The following ASIC2 variants were observed in gnomAD, a reference collection of about 807,000 sequenced individuals.
ASIC2 encodes acid sensing ion channel subunit 2, also known as acid-sensing ion channel 2.
In ASIC2, 25 loss-of-function variants were observed where a neutral mutation model predicts 57.3. That is an observed-to-expected ratio of 0.44 (90% CI 0.32 to 0.61). ASIC2 has a LOEUF of 0.61. Among genes scored for constraint, ASIC2 ranks in the 20% least tolerant of loss-of-function variants. The pLI is 0.06. For synonymous variants in ASIC2, 319 were observed against 307.5 expected, an observed-to-expected ratio of 1.04 and a Z score of -0.39; for missense variants, 641 against 738.1, an observed-to-expected ratio of 0.87 and a Z score of 1.52.
At chr17:33,760,526 G>C (rs984696085) in intron 1 of ASIC2, among the ~76,000 whole-genome samples, 1 of 151,872 alleles carries the variant, frequency 6.6e-6, no homozygotes, top group Non-Finnish European at 1.5e-5. Context: ...ATATATGTGT[G>C]TGTGTGTGTG....
intron 2 of ASIC2, among the ~76,000 whole-genome samples, chr17:33,102,775 T>C (rs1224367198): frequency 1.3e-5 from 2 of 152,142 alleles, no homozygotes; most frequent in African/African-American, 4.8e-5. Flanking sequence ...TATTTGTTTG[T>C]TTGTTTGTTT....
intron 1 of ASIC2, among the ~76,000 whole-genome samples, chr17:33,401,837 T>C (rs1387048485): frequency 2.6e-5 from 4 of 152,024 alleles, no homozygotes; most frequent in African/African-American, 4.8e-5. Context: ...GAGGTGAGGA[T>C]GGGAGAAAAT....
chr17:33,933,520 C>G (rs1286704956), intron 1 of ASIC2, among the ~76,000 whole-genome samples: 2 of 152,160 alleles, frequency 1.3e-5, no homozygotes, highest in Admixed American at 1.3e-4. Context: ...GAGTACGGGA[C>G]AGAGCAGGAA....
chr17:33,638,795 G>T (rs1018257111), intron 1 of ASIC2, among the ~76,000 whole-genome samples: 2 of 151,946 alleles, frequency 1.3e-5, no homozygotes, highest in Admixed American at 1.3e-4. Context: ...TCCCTGAACA[G>T]AATAAGCCAA....
At chr17:34,050,497 A>T (rs1469570521) in intron 1 of ASIC2, among the ~76,000 whole-genome samples, 1 of 152,236 alleles carries the variant, frequency 6.6e-6, no homozygotes. Flanking sequence ...AGAATATCAG[A>T]ATCACAGAAC....
intron 1 of ASIC2, among the ~76,000 whole-genome samples, chr17:33,772,481 T>G (rs1911142368): frequency 6.6e-6 from 1 of 152,232 alleles, no homozygotes; most frequent in African/African-American, 2.4e-5. Context: ...TTTGTATGTC[T>G]TTTCTCCTCT....
chr17:33,456,119 C>T (rs1182712772), intron 1 of ASIC2, among the ~76,000 whole-genome samples: 1 of 152,134 alleles, frequency 6.6e-6, no homozygotes, highest in Non-Finnish European at 1.5e-5. Context: ...AATATGTTTT[C>T]CTTGAATTGA....
intron 1 of ASIC2, among the ~76,000 whole-genome samples, chr17:33,748,636 G>A (rs1045221723): frequency 2.6e-5 from 4 of 152,136 alleles, no homozygotes; most frequent in African/African-American, 4.8e-5. Context: ...GAGATGGCAC[G>A]GTGGTGGCCT....
intron 1 of ASIC2, among the ~76,000 whole-genome samples, chr17:33,585,123 G>T (rs1904578213): frequency 1.3e-5 from 2 of 152,186 alleles, no homozygotes; most frequent in Non-Finnish European, 2.9e-5. Context: ...TAATTTAGTT[G>T]GGGTGGAAGG....
At chr17:33,464,203 C>T (rs889598764) in intron 1 of ASIC2, among the ~76,000 whole-genome samples, 1 of 152,176 alleles carries the variant, frequency 6.6e-6, no homozygotes, top group African/African-American at 2.4e-5. Flanking sequence ...GCTCTTGACC[C>T]TGCCTGCTCA....
intron 1 of ASIC2, among the ~76,000 whole-genome samples, chr17:33,911,110 T>C (rs1443666639): frequency 6.6e-6 from 1 of 152,232 alleles, no homozygotes; most frequent in Non-Finnish European, 1.5e-5. Context: ...CACATGGGGC[T>C]GAGTCTTCAC....
At chr17:33,743,256 A>T (rs1285737580) in intron 1 of ASIC2, among the ~76,000 whole-genome samples, 1 of 152,264 alleles carries the variant, frequency 6.6e-6, no homozygotes, top group Non-Finnish European at 1.5e-5. Flanking sequence ...CATTCATAAA[A>T]ATCTACTATA....
intron 1 of ASIC2, among the ~76,000 whole-genome samples, chr17:33,709,828 A>G (rs899544332): frequency 6.6e-6 from 1 of 152,232 alleles, no homozygotes; most frequent in Non-Finnish European, 1.5e-5. Context: ...CTTTTAAACA[A>G]ACCACTTAAC....
At chr17:33,768,400 T>C (rs563946386) in intron 1 of ASIC2, among the ~76,000 whole-genome samples, 1 of 152,288 alleles carries the variant, frequency 6.6e-6, no homozygotes, top group Non-Finnish European at 1.5e-5. Flanking sequence ...GAATCTCCAA[T>C]GCAAGATGCT....
At chr17:33,257,037 G>C (rs17248839) in intron 1 of ASIC2, among the ~76,000 whole-genome samples, 1 of 152,080 alleles carries the variant, frequency 6.6e-6, no homozygotes, top group South Asian at 2.1e-4. Context: ...CCAGGCCCCT[G>C]GGTCTAATGT....
intron 2 of ASIC2, among the ~76,000 whole-genome samples, chr17:33,096,929 G>C (rs556180433): frequency 6.6e-6 from 1 of 152,310 alleles, no homozygotes; most frequent in African/African-American, 2.4e-5. Context: ...GAGTGGCAGG[G>C]ACAAGGTCAG....
intron 1 of ASIC2, among the ~76,000 whole-genome samples, chr17:33,268,410 C>T (rs2142154001): frequency 6.6e-6 from 1 of 152,170 alleles, no homozygotes; most frequent in South Asian, 2.1e-4. Flanking sequence ...TTTATCCATT[C>T]ATCTATTCAC....
intron 1 of ASIC2, among the ~76,000 whole-genome samples, chr17:33,533,035 C>T (rs967809703): frequency 3.9e-5 from 6 of 152,224 alleles, no homozygotes; most frequent in Non-Finnish European, 8.8e-5. Flanking sequence ...ATTCAAAGCT[C>T]TCCATGATCT....
intron 1 of ASIC2, among the ~76,000 whole-genome samples, chr17:33,741,899 G>A (rs1374497127): frequency 6.6e-6 from 1 of 152,200 alleles, no homozygotes; most frequent in Non-Finnish European, 1.5e-5. Context: ...ACAGAATTAG[G>A]CTAAGTGAGA....
Sources: gnomAD v4.1 joint callset for allele counts (sites outside exome capture counted in the v4.1 genomes callset) on GRCh38, gnomAD v4.1.1 for gene constraint, MANE v1.5 for transcripts, NCBI Gene and HGNC (gene_info 2026-07-23, HGNC 2026-07-21) for gene names.